Variants in SAMD14 observed in about 807,000 individuals in gnomAD.
SAMD14 encodes the protein sterile alpha motif domain containing 14.
A neutral mutation model predicts 46.2 loss-of-function variants in SAMD14; 27 were observed. That is an observed-to-expected ratio of 0.58 (90% CI 0.43 to 0.81). The LOEUF (loss-of-function observed/expected upper bound fraction) is 0.81, where lower values mean the gene tolerates loss of function less well. Ranked by LOEUF, SAMD14 falls within the 30% of genes least tolerant of loss-of-function variation. The pLI, the probability that SAMD14 is intolerant of heterozygous loss-of-function variation, is 0.00. For missense variants in SAMD14, 559 were observed against 582.2 expected, an observed-to-expected ratio of 0.96 and a Z score of 0.41; for synonymous variants, 241 against 254.3, an observed-to-expected ratio of 0.95 and a Z score of 0.50.
intron 7 of SAMD14, chr17:50,114,569 A>G (rs1911076663): frequency 7.5e-6 from 6 of 803,830 alleles, no homozygotes; most frequent in Non-Finnish European, 9.6e-6. Flanking sequence ...GTCTCAGGCA[A>G]GGTGTCACTT....
Position 50,114,170 on chromosome 17 carries a change from G to A in SAMD14, c.942+17C>T, listed in dbSNP as rs1158413628. The A allele has an allele frequency of 6.2e-7, 1 of 1,614,106 alleles. No individual in the cohort carries two copies. The highest frequency in any genetic ancestry group is 8.5e-7 in the Non-Finnish European group (1 of 1,180,016). On this transcript the variant is annotated intron_variant, in intron 8 of 9. Transcript: ENST00000330175. ...GAGGTCAGGACTCCGTGGGCACCCT[G>A]GGCCAGCCTTGCTCACCTCATCTGA...
chr17:50,125,161 C>T (rs1200554052), intron 1 of SAMD14, 190 bp from the exon 2 acceptor site: 1 of 581,784 alleles, frequency 1.7e-6, no homozygotes, highest in Non-Finnish European at 3.0e-6. Flanking sequence ...GGCGCCGGGG[C>T]AGGCAGTATA....
chr17:50,116,380 C>A, intron 4 of SAMD14: 6 of 248,718 alleles, frequency 2.4e-5, no homozygotes, highest in Non-Finnish European at 3.9e-5. Context: ...CTACCATTTA[C>A]TCAATTTTAT....
At chr17:50,114,339 A>G in intron 7 of SAMD14, 33 bp from the exon 8 acceptor site, 1 of 1,613,794 alleles carries the variant, frequency 6.2e-7, no homozygotes, top group Non-Finnish European at 8.5e-7. Context: ...CACTGAGGAG[A>G]GTTCACCCCC....
chr17:50,125,332 G>T, intron 1 of SAMD14: 1 of 220,190 alleles, frequency 4.5e-6, no homozygotes, highest in Non-Finnish European at 9.1e-6. Flanking sequence ...TCCCCTAAAA[G>T]CTTTCAATCA....
At chr17:50,116,345 A>C in intron 4 of SAMD14, 1 of 433,026 alleles carries the variant, frequency 2.3e-6, no homozygotes, top group Non-Finnish European at 4.0e-6. Flanking sequence ...ACAAACTATA[A>C]AACGTTCCAA....
chr17:50,113,278 T>G (rs1910969587), intron 9 of SAMD14: 10 of 526,680 alleles, frequency 1.9e-5, no homozygotes, highest in Non-Finnish European at 3.4e-5. Context: ...AGGCGCTTCC[T>G]CCTCCTCCCC....
At position 50,115,681 on chromosome 17, in the gene SAMD14, G is replaced by A. The variant is rs764391533; in HGVS notation, c.705C>T (p.Phe235=). ...TGTCCGTGAACCAGGAAAAAGGCAG[G>A]AACGGGGAGCCCCCTGACCTGCCGG... ...EGSGRSGGSP[F]LPFSWFTDSG... The change falls in exon 7 of 10, where the codon TTC becomes TTT. Residue 235 remains phenylalanine, a synonymous_variant. Transcript: ENST00000330175. This position sits in a 1 kb window ranked among gnomAD's most constrained non-coding sequence, Gnocchi z 5.3. 3.7e-6 allele frequency: 6 copies of A among 1,607,608 alleles called. No individual in the cohort carries two copies. The highest frequency in any genetic ancestry group is 5.1e-6 in the Non-Finnish European group (6 of 1,175,986).
chr17:50,123,656 T>C (rs188351784), intron 2 of SAMD14: 176 of 177,738 alleles, frequency 9.9e-4, no homozygotes, highest in African/African-American at 4.0e-3. Context: ...CTCTTCTCTG[T>C]TCCTGCCCTC....
chr17:50,115,173 G>A lies in SAMD14; in HGVS notation c.822+391C>T, dbSNP rs1911114392. On this transcript the variant is annotated intron_variant, in intron 7 of 9. Coordinates refer to ENST00000330175, the MANE Select transcript of SAMD14 (RefSeq NM_001257359.2). The surrounding 1 kb of genome is among the most constrained non-coding windows in gnomAD (Gnocchi z 5.3). ...TTTCAGACCACTAGGTTGGGGTCCTGTTTGTCTCTATATCCCCCAGGCCTC... is the reference window on the plus strand; with the variant it reads ...TTTCAGACCACTAGGTTGGGGTCCTATTTGTCTCTATATCCCCCAGGCCTC... 5.7e-6 allele frequency: 1 copy of A among 175,376 alleles called. No homozygotes were observed. Among genetic ancestry groups the A allele is most frequent in the Admixed American group, 5.9e-5 (1 of 17,036 alleles). The allele number at this position is 175,376 out of a possible 1,614,324, so 10.9% of individuals were successfully genotyped here.
At chr17:50,122,251 T>G (rs190189148) in intron 2 of SAMD14, among the ~76,000 whole-genome samples, 120 of 152,348 alleles carry the variant, frequency 7.9e-4, no homozygotes, top group African/African-American at 2.7e-3. Context: ...CATGCTGGCC[T>G]GCAACCTGCA....
chr17:50,124,769 GCGCACACA>G, intron 2 of SAMD14, 140 bp downstream of exon 2: 5 of 477,190 alleles, frequency 1.0e-5, no homozygotes, highest in Non-Finnish European at 1.8e-5. Context: ...GCACGCGCGC[GCGCACACA>G]CACACACACA....
intron 2 of SAMD14, among the ~76,000 whole-genome samples, chr17:50,119,583 A>G (rs903963051): frequency 1.4e-4 from 21 of 152,174 alleles, no homozygotes; most frequent in African/African-American, 4.8e-4. Context: ...GGCACCTGCC[A>G]AGGAAGTTAC....
At chr17:50,124,127 T>G (rs1431759328) in intron 2 of SAMD14, 1 of 456,260 alleles carries the variant, frequency 2.2e-6, no homozygotes, top group South Asian at 1.5e-5. Context: ...GGACTCCTCC[T>G]GACTCCTCCA....
chr17:50,114,780 G>C (rs997644900), intron 7 of SAMD14: 1 of 201,468 alleles, frequency 5.0e-6, no homozygotes, highest in Non-Finnish European at 9.9e-6. Flanking sequence ...GGAAGAAAGA[G>C]AAGGAGGAAA....
intron 4 of SAMD14, 153 bp from the exon 5 acceptor site, chr17:50,116,243 T>C: frequency 2.5e-6 from 3 of 1,185,160 alleles, no homozygotes; most frequent in Non-Finnish European, 3.4e-6. Context: ...GATAAGCCAC[T>C]TTACCTCTCT....
chr17:50,117,866 G>A (rs1911311959), intron 3 of SAMD14, 171 bp from the exon 4 acceptor site: 3 of 719,122 alleles, frequency 4.2e-6, no homozygotes, highest in Non-Finnish European at 6.3e-6. Context: ...GTGGGAAACA[G>A]GAACTTTGAG....
chr17:50,122,383 G>A (rs1911542760), intron 2 of SAMD14, among the ~76,000 whole-genome samples: 1 of 152,132 alleles, frequency 6.6e-6, no homozygotes, highest in Non-Finnish European at 1.5e-5. Context: ...TGCATGCTTT[G>A]GCGGAGATGG....
intron 1 of SAMD14, among the ~76,000 whole-genome samples, chr17:50,126,863 G>C (rs1307884776): frequency 6.6e-6 from 1 of 151,756 alleles, no homozygotes; most frequent in Non-Finnish European, 1.5e-5. Flanking sequence ...ACTTTGGGAG[G>C]CCGAGGCGGG....
Sources: allele counts gnomAD v4.1 joint callset (sites outside exome capture counted in the v4.1 genomes callset), GRCh38; gene constraint gnomAD v4.1.1; non-coding constraint Gnocchi (gnomAD v3.1); transcripts MANE v1.5; gene names NCBI Gene and HGNC (gene_info 2026-07-23, HGNC 2026-07-21).